CBFA2T2: variants seen among roughly 807,000 people sequenced by gnomAD.
The protein encoded by CBFA2T2 is protein CBFA2T2.
CBFA2T2 carries 11 observed loss-of-function variants against 62.2 expected under a neutral mutation model. That is an observed-to-expected ratio of 0.18 (90% CI 0.11 to 0.29). CBFA2T2 has a LOEUF of 0.29. CBFA2T2 is among the 10% of genes least tolerant of loss of function. The probability of loss-of-function intolerance (pLI) is 1.00; values close to 1 mark genes in which losing one functional copy is unlikely to be tolerated. For synonymous variants in CBFA2T2, 295 were observed against 287.5 expected (o/e 1.03, Z -0.27); for missense variants, 592 against 774.1 (o/e 0.76, Z 2.79).
At chr20:33,511,453 TG>T (rs2011510444) in intron 1 of CBFA2T2, among the ~76,000 whole-genome samples, 1 of 152,150 alleles carries the variant, frequency 6.6e-6, no homozygotes, top group Non-Finnish European at 1.5e-5. Context: ...TGTAGATGTG[TG>T]GTTTTATTTC....
At chr20:33,631,876 T>G (rs1341905031) in intron 8 of CBFA2T2, among the ~76,000 whole-genome samples, 1 of 152,242 alleles carries the variant, frequency 6.6e-6, no homozygotes, top group African/African-American at 2.4e-5. Flanking sequence ...CTTGTCCATT[T>G]TAGTATAGTA....
chr20:33,640,638 C>G, intron 10 of CBFA2T2, 107 bp downstream of exon 10: 1 of 972,530 alleles, frequency 1.0e-6, no homozygotes. Flanking sequence ...CACTCTTGAG[C>G]TCAATGAGGA....
chr20:33,549,785 T>C lies in CBFA2T2; in HGVS notation c.35-57171T>C, dbSNP rs151021110. Among the ~76,000 whole-genome samples, 537 of 152,226 alleles carry C rather than the reference T, an allele frequency of 3.5e-3. 4 individuals are homozygous for C. The highest frequency in any genetic ancestry group is 0.012 in the African/African-American group (509 of 41,558). ...CAGGGGCAGAGGGACAACAGGTTTT[T>C]TCCCCTGCTGCAAAGGAGTAGTCCA... On this transcript the variant is annotated intron_variant, in intron 1 of 10. Coordinates refer to ENST00000342704, the MANE Select transcript of CBFA2T2 (RefSeq NM_001032999.3).
At chr20:33,540,713 C>T (rs1055366089) in intron 1 of CBFA2T2, among the ~76,000 whole-genome samples, 2 of 152,060 alleles carry the variant, frequency 1.3e-5, no homozygotes, top group African/African-American at 2.4e-5. Context: ...TACTTTTATT[C>T]GTTGTGTTAA....
At chr20:33,587,730 T>G (rs972352707) in intron 1 of CBFA2T2, among the ~76,000 whole-genome samples, 3 of 152,242 alleles carry the variant, frequency 2.0e-5, no homozygotes, top group Non-Finnish European at 4.4e-5. Context: ...TTTTCTTAAC[T>G]GGACCTATGT....
chr20:33,515,888 AG>A (rs1228668194), intron 1 of CBFA2T2, among the ~76,000 whole-genome samples: 2 of 151,952 alleles, frequency 1.3e-5, no homozygotes, highest in Non-Finnish European at 2.9e-5. Flanking sequence ...AGTGTCGAGA[AG>A]GCTCATACCT....
chr20:33,596,001 G>A (rs2014869221), intron 1 of CBFA2T2, among the ~76,000 whole-genome samples: 1 of 152,184 alleles, frequency 6.6e-6, no homozygotes, highest in Admixed American at 6.5e-5. Flanking sequence ...TTCATGCCCA[G>A]TTTTCTTTCT....
chr20:33,617,728 A>G (rs1270012021), intron 3 of CBFA2T2, among the ~76,000 whole-genome samples: 1 of 152,220 alleles, frequency 6.6e-6, no homozygotes, highest in African/African-American at 2.4e-5. Flanking sequence ...TATTGTGCAA[A>G]TGTCATATAC....
At chr20:33,558,614 G>T (rs184960937) in intron 1 of CBFA2T2, among the ~76,000 whole-genome samples, 2 of 151,944 alleles carry the variant, frequency 1.3e-5, no homozygotes, top group Non-Finnish European at 2.9e-5. Context: ...TTGCTCAATC[G>T]TATTGTTTTA....
chr20:33,566,170 G>T (rs1410083404), intron 1 of CBFA2T2, among the ~76,000 whole-genome samples: 1 of 152,164 alleles, frequency 6.6e-6, no homozygotes. Context: ...TATCCTCCTG[G>T]TTGCTGGCTG....
Position 33,643,857 on chromosome 20 carries a change from G to GTA in CBFA2T2, c.1489-489_1489-488insAT, listed in dbSNP as rs1293528167. Among the ~76,000 whole-genome samples, 31 of 112,728 alleles carry GTA rather than the reference G, an allele frequency of 2.7e-4. 1 individual carries two copies. The highest frequency in any genetic ancestry group is 9.7e-4 in the African/African-American group (28 of 28,946). 74.0% of individuals were successfully genotyped at this position (112,728 alleles called of 152,430 possible). On this transcript the variant is annotated intron_variant, in intron 10 of 10. Coordinates refer to ENST00000342704, the MANE Select transcript of CBFA2T2 (RefSeq NM_001032999.3). ...TGTGTGTGTGTGTGTGTGTGTGTGT[G>GTA]TGTATATAATGTATAATTACAAAAA... is the stretch of plus-strand genomic sequence containing the variant.
intron 1 of CBFA2T2, among the ~76,000 whole-genome samples, chr20:33,591,802 T>C (rs2146926692): frequency 6.9e-6 from 1 of 145,340 alleles, no homozygotes; most frequent in East Asian, 2.1e-4. Context: ...TGCTAAAATC[T>C]GATACTTTCC....
intron 1 of CBFA2T2, among the ~76,000 whole-genome samples, chr20:33,544,623 C>CT (rs1460824645): frequency 2.6e-5 from 4 of 152,118 alleles, no homozygotes; most frequent in African/African-American, 9.7e-5. Context: ...TCTCGGCTCA[C>CT]TGTAACCTCC....
chr20:33,511,387 T>C (rs1049636553), intron 1 of CBFA2T2, among the ~76,000 whole-genome samples: 43 of 152,202 alleles, frequency 2.8e-4, no homozygotes, highest in African/African-American at 1.0e-3. Flanking sequence ...ATTTATTAAA[T>C]AGGGAATCCT....
At chr20:33,533,831 C>T (rs2012126791) in intron 1 of CBFA2T2, among the ~76,000 whole-genome samples, 1 of 152,096 alleles carries the variant, frequency 6.6e-6, no homozygotes, top group African/African-American at 2.4e-5. Context: ...AGCAGTTAGC[C>T]TTGCATGGTG....
At chr20:33,566,192 G>T (rs1031361980) in intron 1 of CBFA2T2, among the ~76,000 whole-genome samples, 6 of 152,138 alleles carry the variant, frequency 3.9e-5, no homozygotes, top group Non-Finnish European at 4.4e-5. Flanking sequence ...GCTTAGACTA[G>T]AATTATGTTG....
chr20:33,496,222 G>T (rs1026965405), intron 1 of CBFA2T2, among the ~76,000 whole-genome samples: 3 of 152,196 alleles, frequency 2.0e-5, no homozygotes, highest in Non-Finnish European at 4.4e-5. Flanking sequence ...AGGTAGTTGA[G>T]GGCTTGGTGA....
rs1188193416 is a variant in CBFA2T2 at position 33,598,646 on chromosome 20, C to A, written c.35-8310C>A. Among the ~76,000 whole-genome samples, 10 of 152,272 alleles carry A rather than the reference C, an allele frequency of 6.6e-5. No individual in the cohort carries two copies. In the East Asian group the frequency reaches 1.9e-3, roughly 29 times the overall value. On this transcript the variant is annotated intron_variant, in intron 1 of 10. Coordinates refer to ENST00000342704, the MANE Select transcript of CBFA2T2 (RefSeq NM_001032999.3). Reference sequence around the variant, plus strand: ...TACAGAGTCCTGAGGCGATATACATCCTCCTCAGCTGACAGGATTAAGAGA... The same window carrying A: ...TACAGAGTCCTGAGGCGATATACATACTCCTCAGCTGACAGGATTAAGAGA...
chr20:33,506,532 G>C (rs1475927697), intron 1 of CBFA2T2, among the ~76,000 whole-genome samples: 1 of 152,184 alleles, frequency 6.6e-6, no homozygotes, highest in East Asian at 1.9e-4. Context: ...TGCCAAGGTA[G>C]GTAAGATTCG....
Sources: allele counts gnomAD v4.1 joint callset (sites outside exome capture counted in the v4.1 genomes callset), GRCh38; gene constraint gnomAD v4.1.1; transcripts MANE v1.5; gene names NCBI Gene and HGNC (gene_info 2026-07-23, HGNC 2026-07-21).